Variants in AMPD3 observed in about 807,000 individuals in gnomAD.
AMPD3 encodes the protein adenosine monophosphate deaminase 3, also known as AMP deaminase 3.
Under a neutral mutation model 82.3 loss-of-function variants are expected in AMPD3, and 57 were observed. The ratio of observed to expected loss-of-function variants is 0.69; its 90% CI spans 0.56 to 0.86. The LOEUF (loss-of-function observed/expected upper bound fraction) is 0.86. AMPD3 is among the 40% of genes least tolerant of loss of function. The probability of loss-of-function intolerance (pLI) is 0.00; values close to 1 mark genes in which losing one functional copy is unlikely to be tolerated. For missense variants in AMPD3, 870 were observed against 1,003.8 expected (o/e 0.87, Z 1.80); for synonymous variants, 381 against 394.7 (o/e 0.97, Z 0.41).
At chr11:10,477,233 C>A in intron 2 of AMPD3, 1 of 437,610 alleles carries the variant, frequency 2.3e-6, no homozygotes, top group Non-Finnish European at 3.0e-6. Flanking sequence ...AGGAGGAGGG[C>A]TCTAGTGGGT....
At chr11:10,491,592 C>T (rs563106499) in intron 6 of AMPD3, among the ~76,000 whole-genome samples, 12 of 152,276 alleles carry the variant, frequency 7.9e-5, no homozygotes, top group Admixed American at 2.0e-4. Context: ...CTTGAACTCC[C>T]GTGGTGGCAG....
At chr11:10,500,319 A>G in intron 11 of AMPD3, 70 bp downstream of exon 11, 1 of 1,556,314 alleles carries the variant, frequency 6.4e-7, no homozygotes, top group East Asian at 2.3e-5. Context: ...ACACACATGC[A>G]CACACACATG....
intron 10 of AMPD3, among the ~76,000 whole-genome samples, chr11:10,498,690 C>T (rs1849491378): frequency 1.3e-5 from 2 of 152,228 alleles, no homozygotes; most frequent in Admixed American, 1.3e-4. Flanking sequence ...CCTTTGCTGC[C>T]CCCATAGGAA....
chr11:10,497,123 G>T lies in AMPD3; in HGVS notation c.1557+185G>T, dbSNP rs186337077. On this transcript the variant is annotated intron_variant, in intron 10 of 14. Transcript: ENST00000396553. ...TCTAAAAAGTCCCCTTCTCCTCAGG[G>T]GCAGCTCTGGGAGTCAGTGGGTGTG... 3.8e-4 allele frequency among the ~76,000 whole-genome samples: 58 copies of T among 152,204 alleles called. No individual in the cohort carries two copies. Among genetic ancestry groups the T allele is most frequent in the Middle Eastern group, 3.4e-3 (1 of 294 alleles).
chr11:10,454,026 T>G (rs1848025953), upstream of AMPD3, among the ~76,000 whole-genome samples: 1 of 152,180 alleles, frequency 6.6e-6, no homozygotes, highest in Non-Finnish European at 1.5e-5. Flanking sequence ...TATCATAAAT[T>G]GTCTTGATGT....
intron 3 of AMPD3, among the ~76,000 whole-genome samples, chr11:10,479,483 A>G (rs1259970025): frequency 6.6e-6 from 1 of 152,220 alleles, no homozygotes; most frequent in Non-Finnish European, 1.5e-5. Flanking sequence ...CTCTTCCTAT[A>G]AAATTTCCCC....
Position 10,456,016 on chromosome 11 carries a change from A to G in AMPD3, c.-6+568A>G. 1.0e-6 allele frequency: 1 copy of G among 985,346 alleles called. No homozygotes were observed. Among genetic ancestry groups the G allele is most frequent in the South Asian group, 4.7e-5 (1 of 21,286 alleles). 61.0% of individuals were successfully genotyped at this position (985,346 alleles called of 1,614,324 possible). Reference sequence around the variant, plus strand: ...GGCTTATCTCCTGCAGCTGGGCAGGACGGCTGAGTTTACTGTTGTAAAGAG... The same window carrying G: ...GGCTTATCTCCTGCAGCTGGGCAGGGCGGCTGAGTTTACTGTTGTAAAGAG... On this transcript the variant is annotated intron_variant, in intron 1 of 14. Coordinates refer to ENST00000396553, the MANE Select transcript of AMPD3 (RefSeq NM_001025389.2). This position sits in a 1 kb window ranked among gnomAD's most constrained non-coding sequence, Gnocchi z 4.3.
At chr11:10,455,255 A>G (rs531885579), upstream of AMPD3, 117 of 985,224 alleles carry the variant, frequency 1.2e-4, no homozygotes, top group Non-Finnish European at 1.4e-4. Flanking sequence ...GTCTGTTCTG[A>G]GCCTTCCCAC....
intron 3 of AMPD3, 107 bp from the exon 4 acceptor site, chr11:10,481,956 A>G: frequency 7.3e-7 from 1 of 1,376,378 alleles, no homozygotes. Context: ...CCTGAAATCT[A>G]GGTTCCCAGA....
At chr11:10,467,745 A>C (rs1848462528) in intron 2 of AMPD3, among the ~76,000 whole-genome samples, 1 of 152,228 alleles carries the variant, frequency 6.6e-6, no homozygotes, top group African/African-American at 2.4e-5. Context: ...ATGAAGGAAA[A>C]AATGTTAAGG....
intron 10 of AMPD3, chr11:10,497,684 T>C (rs1849456395): frequency 1.0e-6 from 1 of 985,022 alleles, no homozygotes; most frequent in Admixed American, 6.2e-5. Flanking sequence ...AAACATATTC[T>C]GGCTGTTGTG....
At chr11:10,499,249 A>T (rs1849508955) in intron 10 of AMPD3, 1 of 152,538 alleles carries the variant, frequency 6.6e-6, no homozygotes, top group South Asian at 2.1e-4. Context: ...TTTTAGATGG[A>T]GTCTTGCTCT....
chr11:10,490,361 C>G (rs1849206144), intron 6 of AMPD3: 2 of 386,044 alleles, frequency 5.2e-6, no homozygotes, highest in Non-Finnish European at 7.1e-6. Flanking sequence ...ATAGGTTTTA[C>G]CTTCTGTGCC....
In AMPD3 at chr11:10,487,250, C is replaced by G. The variant is rs779189674; in HGVS notation, c.825C>G (p.His275Gln). 1 of 1,614,136 alleles carries G rather than the reference C, an allele frequency of 6.2e-7. No homozygotes were observed. The highest frequency in any genetic ancestry group is 8.5e-7 in the Non-Finnish European group (1 of 1,180,014). Residue 275 changes from histidine to glutamine, a missense_variant, in exon 6 of 15, where the codon CAC becomes CAG. Coordinates refer to ENST00000396553, the MANE Select transcript of AMPD3 (RefSeq NM_001025389.2). ...CAACTTGCAGGAAAACCTATTGTCA[C>G]CGGCGACTGAACTTTCTGGAATCCA... ...ITDGPTKTYC[H>Q]RRLNFLESKF...
At chr11:10,482,286 C>T (rs998457563) in intron 4 of AMPD3, 61 bp downstream of exon 4, 1 of 1,579,978 alleles carries the variant, frequency 6.3e-7, no homozygotes, top group Admixed American at 1.7e-5. Flanking sequence ...CTAGTCAGGG[C>T]TTTTTTCTGG....
At position 10,455,276 on chromosome 11, in the gene AMPD3, G is replaced by C; in HGVS notation, c.-178G>C. The C allele has an allele frequency of 1.0e-6, 1 of 985,414 alleles. No homozygotes were observed. Among genetic ancestry groups the C allele is most frequent in the African/African-American group, 1.7e-5 (1 of 57,332 alleles). The allele number at this position is 985,414 out of a possible 1,614,324, so 61.0% of individuals were successfully genotyped here. ...TCTGAGCCTTCCCACTCTCCTAAAG[G>C]GCAGATGAAGATCAGAGCTTTGCAC... On this transcript the variant is annotated 5_prime_UTR_variant, in exon 1 of 15. Coordinates refer to ENST00000396553, the MANE Select transcript of AMPD3 (RefSeq NM_001025389.2).
chr11:10,479,985 A>T (rs763346043), intron 3 of AMPD3: 33 of 985,396 alleles, frequency 3.3e-5, no homozygotes, highest in Non-Finnish European at 3.7e-5. Context: ...TGGGCAGGGC[A>T]TTGGAAAGCA....
At chr11:10,501,131 ACT>A (rs1447646337) in intron 11 of AMPD3, 1 of 984,932 alleles carries the variant, frequency 1.0e-6, no homozygotes, top group African/African-American at 1.8e-5. Flanking sequence ...CAGAGGTCAG[ACT>A]CTGTGGTTTC....
chr11:10,453,510 G>A (rs562254974), upstream of AMPD3, among the ~76,000 whole-genome samples: 47 of 152,290 alleles, frequency 3.1e-4, 1 homozygote, highest in African/African-American at 1.1e-3. Context: ...CCTCACAAAT[G>A]AGAAGAAAAA....
Sources: allele counts gnomAD v4.1 joint callset (sites outside exome capture counted in the v4.1 genomes callset), GRCh38; gene constraint gnomAD v4.1.1; non-coding constraint Gnocchi (gnomAD v3.1); transcripts MANE v1.5; gene names NCBI Gene and HGNC (gene_info 2026-07-23, HGNC 2026-07-21).